The following TNFSF4 variants were observed in gnomAD, a reference collection of about 807,000 sequenced individuals.
TNFSF4 encodes the protein tumor necrosis factor ligand superfamily member 4.
TNFSF4 carries 4 observed loss-of-function variants against 7.3 expected under a neutral mutation model. The ratio of observed to expected loss-of-function variants is 0.55; its 90% CI spans 0.27 to 1.25. TNFSF4 has a LOEUF of 1.25. TNFSF4 is among the 50% of genes most tolerant of loss of function. TNFSF4 has a pLI of 0.12. For synonymous variants in TNFSF4, 76 were observed against 83.7 expected (o/e 0.91, Z 0.50); for missense variants, 181 against 208.8 (o/e 0.87, Z 0.82).
chr1:173,283,974 C>T, the TNFSF4 span, among the ~76,000 whole-genome samples: 1 of 147,416 alleles, frequency 6.8e-6, no homozygotes, highest in Non-Finnish European at 1.5e-5. Flanking sequence ...ATAAGTACTA[C>T]TCCAGTGAAC....
At chr1:173,395,319 T>C in the TNFSF4 span, among the ~76,000 whole-genome samples, 2 of 142,688 alleles carry the variant, frequency 1.4e-5, no homozygotes, top group Admixed American at 7.2e-5. Context: ...AATATCTGCA[T>C]TGGATACTCC....
chr1:173,256,137 C>T, the TNFSF4 span, among the ~76,000 whole-genome samples: 1 of 152,136 alleles, frequency 6.6e-6, no homozygotes, highest in Admixed American at 6.5e-5. Flanking sequence ...GGAGGGAGTT[C>T]ACAAACAAAA....
At chr1:173,419,478 G>T in the TNFSF4 span, among the ~76,000 whole-genome samples, 1 of 152,196 alleles carries the variant, frequency 6.6e-6, no homozygotes, top group African/African-American at 2.4e-5. Context: ...CATGTGCTTG[G>T]ACTTCCCAGC....
the TNFSF4 span, among the ~76,000 whole-genome samples, chr1:173,401,101 G>T: frequency 2.6e-5 from 4 of 152,172 alleles, no homozygotes; most frequent in East Asian, 3.8e-4. Context: ...TTGTTTAATC[G>T]TAGTATTTAA....
chr1:173,297,424 G>A, the TNFSF4 span, among the ~76,000 whole-genome samples: 1 of 151,900 alleles, frequency 6.6e-6, no homozygotes, highest in South Asian at 2.1e-4. Flanking sequence ...ATGTACTGTT[G>A]GCAAAGCCAG....
At chr1:173,256,387 C>T in the TNFSF4 span, among the ~76,000 whole-genome samples, 2 of 152,100 alleles carry the variant, frequency 1.3e-5, no homozygotes, top group African/African-American at 4.8e-5. Flanking sequence ...TGTGATCTCA[C>T]ATGGCAGAGA....
At chr1:173,272,981 T>G in the TNFSF4 span, among the ~76,000 whole-genome samples, 1 of 152,138 alleles carries the variant, frequency 6.6e-6, no homozygotes, top group Non-Finnish European at 1.5e-5. Context: ...TTGCTCAGCT[T>G]TAATTTTCAG....
the TNFSF4 span, among the ~76,000 whole-genome samples, chr1:173,426,532 T>C: frequency 7.2e-5 from 11 of 152,336 alleles, no homozygotes; most frequent in East Asian, 7.7e-4. Context: ...TAAAGGACTT[T>C]TAAATACAGA....
At chr1:173,268,838 C>T in the TNFSF4 span, among the ~76,000 whole-genome samples, 3 of 151,960 alleles carry the variant, frequency 2.0e-5, no homozygotes, top group Non-Finnish European at 4.4e-5. Flanking sequence ...ATACTACTAT[C>T]AGATAAAGTA....
the TNFSF4 span, among the ~76,000 whole-genome samples, chr1:173,400,729 G>A: frequency 2.0e-5 from 3 of 152,166 alleles, no homozygotes; most frequent in Admixed American, 1.3e-4. Flanking sequence ...ATCCCTGGGG[G>A]CATCTCTTAC....
the TNFSF4 span, among the ~76,000 whole-genome samples, chr1:173,228,272 A>G: frequency 1.3e-5 from 2 of 152,230 alleles, no homozygotes; most frequent in African/African-American, 4.8e-5. Flanking sequence ...CTGTTCAGCA[A>G]TATTCGCTGT....
chr1:173,206,645 C>T (rs999751684), intron 1 of TNFSF4, among the ~76,000 whole-genome samples: 2 of 152,176 alleles, frequency 1.3e-5, no homozygotes, highest in South Asian at 4.1e-4. Context: ...GGTCTCTTTC[C>T]TATTTCCTTT....
At chr1:173,205,291 C>A (rs759030799) in intron 1 of TNFSF4, 1 of 1,611,486 alleles carries the variant, frequency 6.2e-7, no homozygotes, top group Non-Finnish European at 8.5e-7. Context: ...GAAGCTAATT[C>A]TCCCCTAGAG....
the TNFSF4 span, among the ~76,000 whole-genome samples, chr1:173,266,938 C>G: frequency 2.6e-4 from 40 of 151,962 alleles, no homozygotes; most frequent in Non-Finnish European, 5.1e-4. Context: ...CTTTTTAACC[C>G]AGCTGTTATT....
the TNFSF4 span, among the ~76,000 whole-genome samples, chr1:173,309,468 A>G: frequency 6.6e-6 from 1 of 151,900 alleles, no homozygotes; most frequent in East Asian, 1.9e-4. Flanking sequence ...TATTGAGACA[A>G]TTATATAATT....
the TNFSF4 span, among the ~76,000 whole-genome samples, chr1:173,220,449 A>C: frequency 6.6e-6 from 1 of 152,224 alleles, no homozygotes; most frequent in East Asian, 1.9e-4. Flanking sequence ...CTTAGAGTTT[A>C]TATTCCTGTT....
At chr1:173,419,083 T>C in the TNFSF4 span, among the ~76,000 whole-genome samples, 1 of 152,202 alleles carries the variant, frequency 6.6e-6, no homozygotes, top group Non-Finnish European at 1.5e-5. Flanking sequence ...CTCACGCCTG[T>C]AATCCCAGCA....
the TNFSF4 span, among the ~76,000 whole-genome samples, chr1:173,220,304 A>G: frequency 2.6e-5 from 4 of 152,188 alleles, no homozygotes; most frequent in Admixed American, 6.5e-5. Flanking sequence ...GATAAAGGAA[A>G]TTAACCTGTT....
the TNFSF4 span, among the ~76,000 whole-genome samples, chr1:173,331,281 C>T: frequency 3.3e-5 from 5 of 152,280 alleles, no homozygotes; most frequent in African/African-American, 9.6e-5. Flanking sequence ...GTTTTCTGAT[C>T]GAGTCTCAGT....
Sources: allele counts gnomAD v4.1 joint callset (sites outside exome capture counted in the v4.1 genomes callset), GRCh38; gene constraint gnomAD v4.1.1; transcripts MANE v1.5; gene names NCBI Gene and HGNC (gene_info 2026-07-23, HGNC 2026-07-21).